NDUFS4: variants seen among roughly 807,000 people sequenced by gnomAD.
The protein encoded by NDUFS4 is NADH dehydrogenase [ubiquinone] iron-sulfur protein 4, mitochondrial.
Under a neutral mutation model 24.3 loss-of-function variants are expected in NDUFS4, and 28 were observed. The ratio of observed to expected loss-of-function variants is 1.15; its 90% CI spans 0.85 to 1.58. NDUFS4 has a LOEUF of 1.58. Among genes scored for constraint, NDUFS4 ranks in the 40% most tolerant of loss-of-function variants. The pLI is 0.00. For missense variants in NDUFS4, 223 were observed against 207.9 expected (o/e 1.07, Z -0.45); for synonymous variants, 93 against 69.7 (o/e 1.34, Z -1.67).
intron 2 of NDUFS4, among the ~76,000 whole-genome samples, chr5:53,627,989 G>A (rs1751282209): frequency 6.6e-6 from 1 of 152,094 alleles, no homozygotes; most frequent in Non-Finnish European, 1.5e-5. Flanking sequence ...TCCAGTTTTT[G>A]CCCATTCAGT....
At chr5:53,640,798 G>C (rs1253521501) in intron 2 of NDUFS4, among the ~76,000 whole-genome samples, 1 of 152,034 alleles carries the variant, frequency 6.6e-6, no homozygotes, top group Non-Finnish European at 1.5e-5. Flanking sequence ...TAGGCAAAAA[G>C]AAAGAAAAGA....
intron 1 of NDUFS4, among the ~76,000 whole-genome samples, chr5:53,589,691 T>C (rs1419168466): frequency 6.6e-6 from 1 of 152,126 alleles, no homozygotes; most frequent in Admixed American, 6.5e-5. Context: ...CAAAGGAGAT[T>C]AACATTTGAG....
At chr5:53,611,834 T>C (rs1432654203) in intron 2 of NDUFS4, among the ~76,000 whole-genome samples, 1 of 152,056 alleles carries the variant, frequency 6.6e-6, no homozygotes, top group African/African-American at 2.4e-5. Context: ...GCAAGTCCAA[T>C]GAACATGTTG....
chr5:53,640,603 C>A (rs1275906237), intron 2 of NDUFS4, among the ~76,000 whole-genome samples: 23 of 151,972 alleles, frequency 1.5e-4, no homozygotes, highest in Admixed American at 1.5e-3. Context: ...TTTAAACAAC[C>A]AGCTCTTGGA....
chr5:53,576,143 A>G (rs1278523548), intron 1 of NDUFS4, among the ~76,000 whole-genome samples: 1 of 152,258 alleles, frequency 6.6e-6, no homozygotes, highest in Non-Finnish European at 1.5e-5. Context: ...AAATAGATAC[A>G]GTCATATGTA....
chr5:53,656,127 A>G (rs1340746520), intron 3 of NDUFS4, among the ~76,000 whole-genome samples: 1 of 151,848 alleles, frequency 6.6e-6, no homozygotes, highest in Non-Finnish European at 1.5e-5. Flanking sequence ...ACTAGAGAAT[A>G]CCTTATGGGA....
At chr5:53,594,244 T>C (rs959830358) in intron 1 of NDUFS4, among the ~76,000 whole-genome samples, 1 of 152,174 alleles carries the variant, frequency 6.6e-6, no homozygotes, top group East Asian at 1.9e-4. Context: ...CACTAACGAT[T>C]GTTACATCTT....
chr5:53,616,774 G>T (rs905648680), intron 2 of NDUFS4, among the ~76,000 whole-genome samples: 5 of 152,070 alleles, frequency 3.3e-5, no homozygotes, highest in African/African-American at 7.2e-5. Context: ...GGTTTGATCC[G>T]ATTTACTTGT....
intron 3 of NDUFS4, among the ~76,000 whole-genome samples, chr5:53,650,813 T>G (rs1016088603): frequency 6.6e-6 from 1 of 152,250 alleles, no homozygotes; most frequent in Non-Finnish European, 1.5e-5. Context: ...AGTTTTACTT[T>G]GCTGTGCTTG....
intron 3 of NDUFS4, among the ~76,000 whole-genome samples, chr5:53,653,797 C>G (rs1360282706): frequency 6.6e-6 from 1 of 152,022 alleles, no homozygotes; most frequent in Admixed American, 6.6e-5. Context: ...ATAAGTTTTT[C>G]ACATTTCTTA....
At chr5:53,637,615 TAAAAG>T (rs940473694) in intron 2 of NDUFS4, among the ~76,000 whole-genome samples, 4 of 151,984 alleles carry the variant, frequency 2.6e-5, no homozygotes, top group African/African-American at 9.7e-5. Flanking sequence ...ATAGATAGCT[TAAAAG>T]AAAAGAAAAA....
intron 4 of NDUFS4, among the ~76,000 whole-genome samples, chr5:53,678,808 A>G (rs984436777): frequency 1.3e-5 from 2 of 152,214 alleles, no homozygotes; most frequent in Admixed American, 6.5e-5. Flanking sequence ...TAATTCGTCT[A>G]ACTTACCCAT....
chr5:53,565,941 A>G (rs1264119059), intron 1 of NDUFS4, among the ~76,000 whole-genome samples: 2 of 152,206 alleles, frequency 1.3e-5, no homozygotes, highest in Non-Finnish European at 2.9e-5. Context: ...TGGGAGGCCA[A>G]GGCGGGTGGA....
At position 53,584,379 on chromosome 5, in the gene NDUFS4, G is replaced by A. The variant is rs1047823666; in HGVS notation, c.99-19073G>A. On this transcript the variant is annotated intron_variant, in intron 1 of 4. Coordinates refer to ENST00000296684, the MANE Select transcript of NDUFS4 (RefSeq NM_002495.4). ...CTGAGCTTCTTTTTTTTTTGAGATG[G>A]AGTTTCGGCCTTATCACCCAGGCTG... 2.7e-4 allele frequency among the ~76,000 whole-genome samples: 41 copies of A among 151,828 alleles called. 1 individual carries two copies. Among genetic ancestry groups the A allele is most frequent in the East Asian group, 1.9e-4 (1 of 5,190 alleles).
At chr5:53,682,881 A>G (rs1049966628) in intron 4 of NDUFS4, among the ~76,000 whole-genome samples, 3 of 152,148 alleles carry the variant, frequency 2.0e-5, no homozygotes, top group Non-Finnish European at 1.5e-5. Context: ...CATAGTTTAC[A>G]TCTTTAACAA....
At chr5:53,574,726 G>T (rs1408998224) in intron 1 of NDUFS4, among the ~76,000 whole-genome samples, 1 of 152,014 alleles carries the variant, frequency 6.6e-6, no homozygotes, top group Non-Finnish European at 1.5e-5. Flanking sequence ...TTATTTAGAG[G>T]TGTTTTGTTT....
At chr5:53,682,480 C>T (rs1270909433) in intron 4 of NDUFS4, among the ~76,000 whole-genome samples, 10 of 151,716 alleles carry the variant, frequency 6.6e-5, no homozygotes, top group Non-Finnish European at 1.2e-4. Context: ...TAACAATTTG[C>T]GCTCTTTATC....
intron 1 of NDUFS4, among the ~76,000 whole-genome samples, chr5:53,598,560 A>G (rs1340973999): frequency 6.6e-6 from 1 of 152,206 alleles, no homozygotes; most frequent in Non-Finnish European, 1.5e-5. Flanking sequence ...TTCAAAAAAT[A>G]AAATATAAAG....
At chr5:53,568,030 CTA>C (rs1018061061) in intron 1 of NDUFS4, among the ~76,000 whole-genome samples, 5 of 152,010 alleles carry the variant, frequency 3.3e-5, no homozygotes, top group African/African-American at 1.2e-4. Context: ...ATTTAATAAA[CTA>C]TTATAAATTT....
Sources: allele counts gnomAD v4.1 joint callset (sites outside exome capture counted in the v4.1 genomes callset), GRCh38; gene constraint gnomAD v4.1.1; transcripts MANE v1.5; gene names NCBI Gene and HGNC (gene_info 2026-07-23, HGNC 2026-07-21).